The following CPNE3 variants were observed in gnomAD, a reference collection of about 807,000 sequenced individuals.
The protein encoded by CPNE3 is copine-3.
A neutral mutation model predicts 63.9 loss-of-function variants in CPNE3; 68 were observed. The ratio of observed to expected loss-of-function variants is 1.06; its 90% confidence interval spans 0.87 to 1.30. The LOEUF is 1.30. Ranked by LOEUF, CPNE3 falls within the 50% of genes most tolerant of loss-of-function variation. CPNE3 has a pLI of 0.00. For synonymous variants in CPNE3, 219 were observed against 197.5 expected (o/e 1.11, Z -0.91); for missense variants, 665 against 578.1 (o/e 1.15, Z -1.54).
At position 86,554,956 on chromosome 8, in the gene CPNE3, C is replaced by T. The variant is rs1281196299; in HGVS notation, c.1226C>T (p.Ala409Val). Residue 409 changes from alanine to valine, a missense_variant, in exon 15 of 17, where the codon GCT becomes GTT. Transcript: ENST00000517490. ...ATAAATCACGTGGCCAGGTTTGCTG[C>T]TGCAGCCACGCAACAGCAGACAGCT... ...PIINHVARFA[A>V]AATQQQTASQ... 1 of 1,614,026 alleles carries T rather than the reference C, an allele frequency of 6.2e-7. No homozygotes were observed. Among genetic ancestry groups the T allele is most frequent in the Admixed American group, 1.7e-5 (1 of 59,994 alleles).
chr8:86,544,739 G>T lies in CPNE3; in HGVS notation c.634-1G>T. 1 of 1,387,486 alleles carries T rather than the reference G, an allele frequency of 7.2e-7. No individual in the cohort carries two copies. Among genetic ancestry groups the T allele is most frequent in the Non-Finnish European group, 9.6e-7 (1 of 1,045,286 alleles). 85.9% of individuals were successfully genotyped at this position (1,387,486 alleles called of 1,614,324 possible). A position where few individuals can be genotyped will look rare whatever the true frequency, so the allele number is the denominator to read the frequency against. On this transcript the variant is annotated splice_acceptor_variant, in intron 8 of 16. Transcript: ENST00000517490. LOFTEE classifies it high-confidence loss of function. Reference sequence around the variant, plus strand: ...TATATTTTTATTATATTTAATTTCAGGTGGAGTGTTATGATTATGACAATG... The same window carrying T: ...TATATTTTTATTATATTTAATTTCATGTGGAGTGTTATGATTATGACAATG...
At chr8:86,558,025 A>T (rs536026608) in intron 16 of CPNE3, among the ~76,000 whole-genome samples, 1 of 152,354 alleles carries the variant, frequency 6.6e-6, no homozygotes, top group South Asian at 2.1e-4. Context: ...GTTATAAAAC[A>T]ACAACAACAA....
chr8:86,540,942 TAAAAG>T (rs1406687097), intron 8 of CPNE3, among the ~76,000 whole-genome samples: 1 of 152,104 alleles, frequency 6.6e-6, no homozygotes, highest in Non-Finnish European at 1.5e-5. Flanking sequence ...AAAATATAAA[TAAAAG>T]AAAACTCATG....
chr8:86,546,623 A>C lies in CPNE3; in HGVS notation c.761A>C (p.Lys254Thr). Reference protein sequence around the residue: ...PVEFECINEKKRQKKKSYKNS... With the variant: ...PVEFECINEKTRQKKKSYKNS... ...GAATTTGAATGCATAAATGAGAAAAAAAGGCAAAAGAAAAAAAGCTACAAG... is the reference window on the plus strand; with the variant it reads ...GAATTTGAATGCATAAATGAGAAAACAAGGCAAAAGAAAAAAAGCTACAAG... The change falls in exon 10 of 17, where the codon AAA (lysine) becomes ACA (threonine). Residue 254 changes from lysine (K) to threonine (T), a missense_variant. Lys to Thr is a moderately conservative substitution (Grantham distance 78, BLOSUM62 -1). Coordinates refer to ENST00000517490, the MANE Select transcript of CPNE3 (RefSeq NM_003909.5). The C allele has an allele frequency of 6.2e-7, 1 of 1,613,812 alleles. No homozygotes were observed. The highest frequency in any genetic ancestry group is 1.1e-5 in the South Asian group (1 of 90,974).
intron 2 of CPNE3, among the ~76,000 whole-genome samples, chr8:86,516,730 C>T (rs997589122): frequency 2.0e-5 from 3 of 152,070 alleles, no homozygotes; most frequent in Non-Finnish European, 2.9e-5. Flanking sequence ...TTTCCTTTGC[C>T]TTCTTTATTT....
chr8:86,530,933 C>T (rs111391314), intron 4 of CPNE3, among the ~76,000 whole-genome samples: 26 of 152,160 alleles, frequency 1.7e-4, no homozygotes, highest in African/African-American at 6.3e-4. Context: ...CTCAGGTAAT[C>T]TGCCCGCCTC....
intron 6 of CPNE3, among the ~76,000 whole-genome samples, chr8:86,532,838 AG>A (rs1270550764): frequency 6.6e-6 from 1 of 152,180 alleles, no homozygotes; most frequent in Non-Finnish European, 1.5e-5. Flanking sequence ...TTACTGTAAA[AG>A]GCATGAAAGA....
chr8:86,558,415 T>C lies in CPNE3; in HGVS notation c.*5T>C, dbSNP rs1380468950. Reference sequence around the variant, plus strand: ...ACGAAACAACAGAAGCAGTGACCACTTCAACAGAATTCTTTTGTGTTATGT... The same window carrying C: ...ACGAAACAACAGAAGCAGTGACCACCTCAACAGAATTCTTTTGTGTTATGT... On this transcript the variant is annotated 3_prime_UTR_variant, in exon 17 of 17. Transcript: ENST00000517490. The C allele has an allele frequency of 1.1e-6, 1 of 872,818 alleles. No homozygotes were observed. Among genetic ancestry groups the C allele is most frequent in the African/African-American group, 1.6e-5 (1 of 61,320 alleles). The allele number at this position is 872,818 out of a possible 1,614,324, so 54.1% of individuals were successfully genotyped here.
intron 9 of CPNE3, 98 bp from the exon 10 acceptor site, chr8:86,546,497 G>A (rs1395910878): frequency 7.9e-7 from 1 of 1,264,586 alleles, no homozygotes; most frequent in Non-Finnish European, 1.1e-6. Context: ...TCAGTAGGTA[G>A]TTTGATTCTA....
Position 86,546,582 on chromosome 8 carries a change from T to G in CPNE3, c.733-13T>G. ...CTAATAAAAAGTAACATTTTTGTCT[T>G]CTCTTCCTACAGGTTGAATTTGAAT... is the stretch of plus-strand genomic sequence containing the variant. On this transcript the variant is annotated splice_polypyrimidine_tract_variant and intron_variant, in intron 9 of 16. Coordinates refer to ENST00000517490, the MANE Select transcript of CPNE3 (RefSeq NM_003909.5). 1.9e-6 allele frequency: 3 copies of G among 1,605,242 alleles called. No individual in the cohort carries two copies. The highest frequency in any genetic ancestry group is 2.5e-6 in the Non-Finnish European group (3 of 1,177,796).
chr8:86,551,115 C>G lies in CPNE3; in HGVS notation c.1068+15C>G. ...CTCAGTGGCAGGTAAGAGGAAATCT[C>G]TATTTTAAAGCTTTGCCTCCTAGAA... On this transcript the variant is annotated intron_variant, in intron 13 of 16. Coordinates refer to ENST00000517490, the MANE Select transcript of CPNE3 (RefSeq NM_003909.5). The G allele has an allele frequency of 6.2e-7, 1 of 1,613,000 alleles. No individual in the cohort carries two copies. Among genetic ancestry groups the G allele is most frequent in the Non-Finnish European group, 8.5e-7 (1 of 1,179,374 alleles).
At chr8:86,548,502 A>G in intron 12 of CPNE3, 68 bp downstream of exon 12, 2 of 1,590,454 alleles carry the variant, frequency 1.3e-6, no homozygotes, top group Non-Finnish European at 1.7e-6. Context: ...AGTTTGTTTC[A>G]TCGGCTAGCA....
Position 86,546,738 on chromosome 8 carries a change from G to A in CPNE3, c.819+57G>A, listed in dbSNP as rs1385726713. 3.9e-6 allele frequency: 6 copies of A among 1,543,168 alleles called. No individual in the cohort carries two copies. In the African/African-American group the frequency reaches 8.4e-5, roughly 22 times the overall value. ...ATTTATTTATTCTTTTTGAGCTGGA[G>A]CCTCGCTCTGTTGCCCAGGCTGGAG... is the stretch of plus-strand genomic sequence containing the variant. On this transcript the variant is annotated intron_variant, in intron 10 of 16. Coordinates refer to ENST00000517490, the MANE Select transcript of CPNE3 (RefSeq NM_003909.5).
intron 2 of CPNE3, among the ~76,000 whole-genome samples, chr8:86,523,473 C>A (rs565184502): frequency 7.9e-5 from 12 of 152,224 alleles, no homozygotes; most frequent in South Asian, 4.1e-4. Flanking sequence ...GAGTGATGAG[C>A]CACAAATACA....
chr8:86,540,326 AC>A lies in CPNE3; in HGVS notation c.627del (p.Ile210LeufsTer24). ...ACTGTGTTACGGAGATATGGACAAAACCATTAAGGTAAGTTGAAATTATATA... is the reference window on the plus strand; with the variant it reads ...ACTGTGTTACGGAGATATGGACAAAACATTAAGGTAAGTTGAAATTATATA... Reference protein sequence around the residue: ...NSLCYGDMDKTIKVECYDYDN... With the variant: ...NSLCYGDMDKXIKVECYDYDN... On this transcript the variant is annotated frameshift_variant, in exon 8 of 17. Coordinates refer to ENST00000517490, the MANE Select transcript of CPNE3 (RefSeq NM_003909.5). LOFTEE classifies it high-confidence loss of function. 2 of 1,495,236 alleles carry A rather than the reference AC, an allele frequency of 1.3e-6. No individual in the cohort carries two copies. The highest frequency in any genetic ancestry group is 1.8e-6 in the Non-Finnish European group (2 of 1,119,314). The allele number at this position is 1,495,236 out of a possible 1,614,324, so 92.6% of individuals were successfully genotyped here.
In CPNE3 at chr8:86,528,583, T is replaced by C. The variant is rs765180312; in HGVS notation, c.38T>C (p.Val13Ala). 1 of 1,614,056 alleles carries C rather than the reference T, an allele frequency of 6.2e-7. No individual in the cohort carries two copies. The highest frequency in any genetic ancestry group is 1.1e-5 in the South Asian group (1 of 91,056). ...TGTGTCACAAAGGTGGCGCTGAATG[T>C]TTCCTGTGCCAATCTTTTGGATAAA... Reference protein sequence around the residue: ...AQCVTKVALNVSCANLLDKDI... With the variant: ...AQCVTKVALNASCANLLDKDI... Residue 13 changes from valine (V) to alanine (A), a missense_variant, in exon 3 of 17, where the codon GTT becomes GCT. Val to Ala is a moderately conservative substitution (Grantham distance 64, BLOSUM62 0). Transcript: ENST00000517490.
intron 4 of CPNE3, among the ~76,000 whole-genome samples, chr8:86,529,721 G>T (rs1482465882): frequency 6.6e-6 from 1 of 152,142 alleles, no homozygotes; most frequent in Non-Finnish European, 1.5e-5. Context: ...CGTGTCTCAT[G>T]GCTCCCCATT....
chr8:86,533,742 G>A (rs1191825413), intron 6 of CPNE3, among the ~76,000 whole-genome samples: 3 of 151,906 alleles, frequency 2.0e-5, no homozygotes, highest in Non-Finnish European at 4.4e-5. Flanking sequence ...TCTCCTCCCA[G>A]ACTTCATATC....
intron 6 of CPNE3, among the ~76,000 whole-genome samples, chr8:86,533,542 A>G (rs1056766135): frequency 6.6e-6 from 1 of 152,058 alleles, no homozygotes; most frequent in African/African-American, 2.4e-5. Context: ...AACAAAAACA[A>G]CAACAAAAAA....
Sources: allele counts gnomAD v4.1 joint callset (sites outside exome capture counted in the v4.1 genomes callset), GRCh38; gene constraint gnomAD v4.1.1; transcripts MANE v1.5; gene names NCBI Gene and HGNC (gene_info 2026-07-23, HGNC 2026-07-21).